The following ZSWIM3 variants were observed in gnomAD, a reference collection of about 807,000 sequenced individuals.
ZSWIM3 encodes zinc finger SWIM domain-containing protein 3.
Under a neutral mutation model 47.5 loss-of-function variants are expected in ZSWIM3, and 27 were observed. That is an observed-to-expected ratio of 0.57 (90% CI 0.42 to 0.78). The LOEUF is 0.78. Ranked by LOEUF, ZSWIM3 falls within the 30% of genes least tolerant of loss-of-function variation. The probability of loss-of-function intolerance (pLI) is 0.00; values close to 1 mark genes in which losing one functional copy is unlikely to be tolerated. For missense variants in ZSWIM3, 689 were observed against 861.3 expected (o/e 0.80, Z 2.50); for synonymous variants, 333 against 333.9 (o/e 1.00, Z 0.03).
chr20:45,874,077 T>C (rs1338450235), intron 1 of ZSWIM3, among the ~76,000 whole-genome samples: 2 of 152,214 alleles, frequency 1.3e-5, no homozygotes, highest in African/African-American at 4.8e-5. Flanking sequence ...TGGACATTTT[T>C]CTTTAAATGA....
chr20:45,858,063 C>T (rs1985587554), intron 1 of ZSWIM3, 83 bp downstream of exon 1: 11 of 1,425,412 alleles, frequency 7.7e-6, no homozygotes, highest in African/African-American at 1.4e-5. Flanking sequence ...AGGAGGGGTG[C>T]ATAGGCACGC....
Position 45,877,054 on chromosome 20 carries a change from A to G in ZSWIM3, c.496A>G (p.Ile166Val), listed in dbSNP as rs778189642. Residue 166 changes from isoleucine to valine, a missense_variant, in exon 2 of 2, where the codon ATC (isoleucine) becomes GTC (valine). Physicochemically the swap from Ile to Val is conservative, Grantham distance 29. Transcript: ENST00000255152. Reference sequence around the variant, plus strand: ...GTCCTCAAAGCCAGAGCAGGAAGGCATCACTCCTTCTGACCTGGCCAAGAT... The same window carrying G: ...GTCCTCAAAGCCAGAGCAGGAAGGCGTCACTCCTTCTGACCTGGCCAAGAT... ...QVSSKPEQEG[I>V]TPSDLAKIAK... 12 of 1,614,114 alleles carry G rather than the reference A, an allele frequency of 7.4e-6. No individual in the cohort carries two copies. The highest frequency in any genetic ancestry group is 5.3e-5 in the African/African-American group (4 of 74,940).
intron 1 of ZSWIM3, among the ~76,000 whole-genome samples, chr20:45,867,997 G>C (rs1985885467): frequency 6.6e-6 from 1 of 152,132 alleles, no homozygotes. Flanking sequence ...CATCACACAA[G>C]AATCTTGCTA....
At position 45,863,169 on chromosome 20, in the gene ZSWIM3, GT is replaced by G. The variant is rs201905761; in HGVS notation, c.155+5200del. Among the ~76,000 whole-genome samples the G allele has an allele frequency of 2.3e-4, 19 of 83,728 alleles. 1 individual carries two copies. The highest frequency in any genetic ancestry group is 7.5e-4 in the South Asian group (2 of 2,668). 54.9% of individuals were successfully genotyped at this position (83,728 alleles called of 152,430 possible). A position where few individuals can be genotyped will look rare whatever the true frequency, so the allele number is the denominator to read the frequency against. ...TGATTTGACTTTCATTGATTTCCTT[GT>G]TTTTTTTTTTGTTTGTTTGTTTGTT... On this transcript the variant is annotated intron_variant, in intron 1 of 1. Transcript: ENST00000255152.
At chr20:45,870,754 C>T (rs1015779742) in intron 1 of ZSWIM3, among the ~76,000 whole-genome samples, 3 of 151,568 alleles carry the variant, frequency 2.0e-5, no homozygotes, top group Non-Finnish European at 2.9e-5. Context: ...AGTGCAGTGG[C>T]GTGATCTTGA....
At chr20:45,872,224 T>C (rs752475894) in intron 1 of ZSWIM3, among the ~76,000 whole-genome samples, 3 of 152,170 alleles carry the variant, frequency 2.0e-5, no homozygotes, top group Non-Finnish European at 4.4e-5. Context: ...CCTCAATACA[T>C]GTAGCAGTGG....
chr20:45,866,919 A>C (rs756279587), intron 1 of ZSWIM3, among the ~76,000 whole-genome samples: 1 of 151,994 alleles, frequency 6.6e-6, no homozygotes, highest in Non-Finnish European at 1.5e-5. Context: ...TATTTGAAAG[A>C]GAGTCAAAGA....
At chr20:45,858,003 G>T in intron 1 of ZSWIM3, 23 bp downstream of exon 1, 1 of 1,563,720 alleles carries the variant, frequency 6.4e-7, no homozygotes, top group East Asian at 2.3e-5. Context: ...GGGGCGGGGC[G>T]GGCCAAGAGG....
chr20:45,876,321 A>G (rs372927953), intron 1 of ZSWIM3, among the ~76,000 whole-genome samples: 1 of 149,434 alleles, frequency 6.7e-6, no homozygotes, highest in Non-Finnish European at 1.5e-5. Flanking sequence ...CTGGGATTAC[A>G]GGTGTGAGCC....
At position 45,878,617 on chromosome 20, in the gene ZSWIM3, T is replaced by C. The variant is rs369388471; in HGVS notation, c.2059T>C (p.Phe687Leu). Residue 687 changes from phenylalanine (F) to leucine (L), a missense_variant, in exon 2 of 2, where the codon TTC (phenylalanine) becomes CTC (leucine). Physicochemically the swap from Phe to Leu is conservative, Grantham distance 22. Transcript: ENST00000255152. ...GGGAAAGCAAGAAGAAGGGGAGGGA[T>C]TCCCTCCTGCTACAGCTGTGATGCA... ...LWGKQEEGEG[F>L]PPATAVMHY 6.2e-7 allele frequency: 1 copy of C among 1,612,000 alleles called. No homozygotes were observed. Among genetic ancestry groups the C allele is most frequent in the Non-Finnish European group, 8.5e-7 (1 of 1,178,460 alleles).
intron 1 of ZSWIM3, among the ~76,000 whole-genome samples, chr20:45,866,572 A>G (rs1469326095): frequency 6.6e-6 from 1 of 152,134 alleles, no homozygotes; most frequent in East Asian, 1.9e-4. Context: ...TTGGGAGACC[A>G]AGGTGGGAGG....
intron 1 of ZSWIM3, among the ~76,000 whole-genome samples, chr20:45,868,420 A>AT (rs10656048): frequency 0.14 from 20,434 of 150,204 alleles, 2,045 homozygotes; most frequent in African/African-American, 0.27. Context: ...GTGTTTGGGA[A>AT]TTTTTTTTTT....
At chr20:45,859,434 AAAAAAAG>A (rs1985645655) in intron 1 of ZSWIM3, among the ~76,000 whole-genome samples, 1 of 98,898 alleles carries the variant, frequency 1.0e-5, no homozygotes, top group Non-Finnish European at 2.2e-5. Context: ...AAAAAAAAAA[AAAAAAAG>A]AAATGTACGG....
At chr20:45,873,969 C>T (rs1208318967) in intron 1 of ZSWIM3, among the ~76,000 whole-genome samples, 1 of 152,162 alleles carries the variant, frequency 6.6e-6, no homozygotes, top group Non-Finnish European at 1.5e-5. Context: ...ATTTAACTGC[C>T]GTTGTGTTTT....
intron 1 of ZSWIM3, among the ~76,000 whole-genome samples, chr20:45,868,209 T>C (rs1985889891): frequency 1.3e-5 from 2 of 152,040 alleles, no homozygotes; most frequent in Admixed American, 6.6e-5. Flanking sequence ...TCCCTGCAAG[T>C]GATGATAGAA....
At chr20:45,865,214 G>A (rs1985808272) in intron 1 of ZSWIM3, among the ~76,000 whole-genome samples, 1 of 151,980 alleles carries the variant, frequency 6.6e-6, no homozygotes, top group African/African-American at 2.4e-5. Flanking sequence ...AGCTACTTGG[G>A]AGGCTGAGGC....
chr20:45,870,755 G>T (rs577278659), intron 1 of ZSWIM3, among the ~76,000 whole-genome samples: 1 of 151,656 alleles, frequency 6.6e-6, no homozygotes, highest in Non-Finnish European at 1.5e-5. Flanking sequence ...GTGCAGTGGC[G>T]TGATCTTGAC....
Position 45,878,212 on chromosome 20 carries a change from TC to T in ZSWIM3, c.1656del (p.Gln554AsnfsTer65). On this transcript the variant is annotated frameshift_variant, in exon 2 of 2. Transcript: ENST00000255152. LOFTEE classifies it high-confidence loss of function. ...CAAAGATGGCTGTAGCTGCAGCTGTTCCTTTCAACAATGGTACCACCTGCCA... is the reference window on the plus strand; with the variant it reads ...CAAAGATGGCTGTAGCTGCAGCTGTTCTTTCAACAATGGTACCACCTGCCA... ...VSKDGCSCSC[S>X]FQQWYHLPCR... The T allele has an allele frequency of 1.9e-6, 3 of 1,614,196 alleles. No homozygotes were observed. The highest frequency in any genetic ancestry group is 2.5e-6 in the Non-Finnish European group (3 of 1,180,038).
At chr20:45,871,328 T>C (rs940200713) in intron 1 of ZSWIM3, among the ~76,000 whole-genome samples, 1 of 152,182 alleles carries the variant, frequency 6.6e-6, no homozygotes, top group Admixed American at 6.5e-5. Flanking sequence ...CTGTAGATGT[T>C]TGTGTTTTTC....
Sources: gnomAD v4.1 joint callset for allele counts (sites outside exome capture counted in the v4.1 genomes callset) on GRCh38, gnomAD v4.1.1 for gene constraint, MANE v1.5 for transcripts, NCBI Gene and HGNC (gene_info 2026-07-23, HGNC 2026-07-21) for gene names.